The following KLF8 variants were observed in gnomAD, a reference collection of about 807,000 sequenced individuals.
KLF8 encodes the protein Krueppel-like factor 8.
Under a neutral mutation model 18.2 loss-of-function variants are expected in KLF8, and 10 were observed. The ratio of observed to expected loss-of-function variants is 0.55; its 90% CI spans 0.34 to 0.93. The LOEUF is 0.93. KLF8 is among the 40% of genes least tolerant of loss of function. The pLI, the probability that KLF8 is intolerant of heterozygous loss-of-function variation, is 0.02. For synonymous variants in KLF8, 109 were observed against 97.3 expected, an observed-to-expected ratio of 1.12 and a Z score of -0.71; for missense variants, 264 against 277.9, an observed-to-expected ratio of 0.95 and a Z score of 0.36.
chrX:56,085,812 G>C, the KLF8 span, among the ~76,000 whole-genome samples: 1 of 112,025 alleles, frequency 8.9e-6, no homozygotes, highest in African/African-American at 3.2e-5. Flanking sequence ...AGGACTTCAA[G>C]AAATATCTGA....
At position 56,286,461 on chromosome X, in the gene KLF8, A is replaced by G. The variant is rs2067269590; in HGVS notation, c.*1967A>G. 8.9e-6 allele frequency: 1 copy of G among 112,401 alleles called. No homozygotes were observed. The highest frequency in any genetic ancestry group is 9.4e-5 in the Admixed American group (1 of 10,659). The allele number at this position is 112,401 out of a possible 1,213,427, so 9.3% of individuals were successfully genotyped here. A position where few individuals can be genotyped will look rare whatever the true frequency, so the allele number is the denominator to read the frequency against. On this transcript the variant is annotated 3_prime_UTR_variant, in exon 6 of 6. Transcript: ENST00000468660. ...AGTCACCACACCTGGCCAGGATCAC[A>G]TTATTAAACCAAATTAAAGTTTATG...
chrX:56,051,260 C>G, the KLF8 span, among the ~76,000 whole-genome samples: 8 of 110,682 alleles, frequency 7.2e-5, no homozygotes, highest in Non-Finnish European at 1.5e-4. Flanking sequence ...AGCATTTAGT[C>G]CATTTACATT....
the KLF8 span, among the ~76,000 whole-genome samples, chrX:56,182,932 G>C: frequency 1.2e-4 from 13 of 112,440 alleles, no homozygotes; most frequent in African/African-American, 4.2e-4. Flanking sequence ...CCCACTTGAG[G>C]AGGCAGTCTG....
the KLF8 span, among the ~76,000 whole-genome samples, chrX:56,025,355 G>C: frequency 9.0e-6 from 1 of 111,287 alleles, no homozygotes; most frequent in African/African-American, 3.3e-5. Flanking sequence ...TCCCACTTTG[G>C]GTCTGAAGGA....
chrX:56,203,865 G>A, the KLF8 span, among the ~76,000 whole-genome samples: 1 of 110,235 alleles, frequency 9.1e-6, no homozygotes, highest in Non-Finnish European at 1.9e-5. Context: ...TGATTTCTTT[G>A]GTTTTATTGT....
chrX:55,932,136 T>G, the KLF8 span, among the ~76,000 whole-genome samples: 1 of 111,306 alleles, frequency 9.0e-6, no homozygotes. Flanking sequence ...CTTCTTTGTC[T>G]TTTTTGATCT....
At chrX:56,274,586 C>G (rs753448814) in intron 5 of KLF8, among the ~76,000 whole-genome samples, 57 of 111,998 alleles carry the variant, frequency 5.1e-4, no homozygotes, top group Non-Finnish European at 8.8e-4. Context: ...CAAATCTTTG[C>G]CCAGTTCAAT....
At chrX:56,202,737 A>T in the KLF8 span, among the ~76,000 whole-genome samples, 1 of 110,677 alleles carries the variant, frequency 9.0e-6, no homozygotes, top group Non-Finnish European at 1.9e-5. Context: ...TTCCATGCAT[A>T]TTGTTGCAAA....
At chrX:55,918,901 G>A in the KLF8 span, among the ~76,000 whole-genome samples, 1 of 111,798 alleles carries the variant, frequency 8.9e-6, no homozygotes, top group Admixed American at 9.5e-5. Flanking sequence ...TGATGGCTAG[G>A]ACTTCAACAT....
the KLF8 span, among the ~76,000 whole-genome samples, chrX:56,053,130 G>A: frequency 9.8e-5 from 11 of 111,914 alleles, no homozygotes; most frequent in East Asian, 5.6e-4. Flanking sequence ...TTCGGCTTGC[G>A]CACGGTGCCC....
chrX:56,012,249 C>G, the KLF8 span, among the ~76,000 whole-genome samples: 1 of 111,811 alleles, frequency 8.9e-6, no homozygotes, highest in Non-Finnish European at 1.9e-5. Flanking sequence ...AGCAGCACAT[C>G]AAAAAGCCTA....
the KLF8 span, among the ~76,000 whole-genome samples, chrX:56,009,259 G>C: frequency 9.0e-6 from 1 of 111,264 alleles, no homozygotes; most frequent in East Asian, 2.8e-4. Flanking sequence ...CATCTTTTCT[G>C]TTCCTCAGCC....
the KLF8 span, among the ~76,000 whole-genome samples, chrX:56,017,311 C>A: frequency 8.9e-6 from 1 of 112,300 alleles, no homozygotes; most frequent in East Asian, 2.8e-4. Context: ...GGTAGGCTTC[C>A]AAGCACAATG....
At chrX:55,970,208 G>A in the KLF8 span, among the ~76,000 whole-genome samples, 1 of 110,677 alleles carries the variant, frequency 9.0e-6, no homozygotes, top group Non-Finnish European at 1.9e-5. Context: ...TCAGTAATAC[G>A]TTAAAAAGAT....
the KLF8 span, among the ~76,000 whole-genome samples, chrX:56,042,266 AT>A: frequency 0.091 from 10,147 of 111,390 alleles, 1,142 homozygotes; most frequent in African/African-American, 0.32. Flanking sequence ...GTTCTTTTGC[AT>A]TTGCCGAGGA....
At chrX:55,982,546 GAAT>G in the KLF8 span, among the ~76,000 whole-genome samples, 4 of 111,793 alleles carry the variant, frequency 3.6e-5, no homozygotes, top group Non-Finnish European at 7.5e-5. Flanking sequence ...TTGGCTGTCA[GAAT>G]AATTTTTCTA....
the KLF8 span, among the ~76,000 whole-genome samples, chrX:55,953,565 A>G: frequency 9.0e-6 from 1 of 111,152 alleles, no homozygotes; most frequent in Non-Finnish European, 1.9e-5. Flanking sequence ...ATGTTTCCCA[A>G]TTTCAAAACT....
rs181683757 is a variant in KLF8, at chrX:56,288,012, C to G, written c.*3518C>G. The G allele has an allele frequency of 9.0e-6, 1 of 111,324 alleles. No individual in the cohort carries two copies. The highest frequency in any genetic ancestry group is 3.8e-4 in the South Asian group (1 of 2,646). 9.2% of individuals were successfully genotyped at this position (111,324 alleles called of 1,213,427 possible). On this transcript the variant is annotated 3_prime_UTR_variant, in exon 6 of 6. Transcript: ENST00000468660. ...CAGCACTTTGGGAGGCCAAGACGGG[C>G]GGATCACGAAGTCAGGAGTTCGAGA...
At position 56,291,503 on chromosome X, in the gene KLF8, A is replaced by T. The variant is rs758736366; in HGVS notation, c.*7009A>T. Among the ~76,000 whole-genome samples, 68 of 111,970 alleles carry T rather than the reference A, an allele frequency of 6.1e-4. No homozygotes were observed. The highest frequency in any genetic ancestry group is 1.2e-3 in the Non-Finnish European group (65 of 53,122). On this transcript the variant is annotated 3_prime_UTR_variant, in exon 6 of 6. Coordinates refer to ENST00000468660, the MANE Select transcript of KLF8 (RefSeq NM_007250.5). Reference sequence around the variant, plus strand: ...TTCAGTTTAATTATTGTACTTTTTTATTAATAAAAAGGTCTTAAACTTCAG... The same window carrying T: ...TTCAGTTTAATTATTGTACTTTTTTTTTAATAAAAAGGTCTTAAACTTCAG...
Sources: allele counts gnomAD v4.1 joint callset (sites outside exome capture counted in the v4.1 genomes callset), GRCh38; gene constraint gnomAD v4.1.1; transcripts MANE v1.5; gene names NCBI Gene and HGNC (gene_info 2026-07-23, HGNC 2026-07-21).